Variants in PLCH2 observed in about 807,000 individuals in gnomAD.
PLCH2 encodes the protein 1-phosphatidylinositol 4,5-bisphosphate phosphodiesterase eta-2.
In PLCH2, 98 loss-of-function variants were observed where a neutral mutation model predicts 134.7. The observed-to-expected ratio is 0.73, with a 90% CI of 0.62 to 0.86. PLCH2 has a LOEUF of 0.86. PLCH2 is among the 40% of genes least tolerant of loss of function. The pLI is 0.00. For synonymous variants in PLCH2, 974 were observed against 827.5 expected (o/e 1.18, Z -3.04); for missense variants, 1,994 against 1,986.6 (o/e 1.00, Z -0.07).
chr1:2,432,792 C>T (rs1021741096), intron 2 of PLCH2, among the ~76,000 whole-genome samples: 1 of 152,202 alleles, frequency 6.6e-6, no homozygotes, highest in African/African-American at 2.4e-5. Flanking sequence ...CCGCCGCCCT[C>T]CCACAGCAGG....
chr1:2,446,587 A>G (rs574848280), intron 2 of PLCH2, among the ~76,000 whole-genome samples: 1 of 152,334 alleles, frequency 6.6e-6, no homozygotes, highest in Non-Finnish European at 1.5e-5. Context: ...AGAGGGAGGA[A>G]GGGCTCCTGG....
chr1:2,504,182 A>G lies in PLCH2; in HGVS notation c.3220A>G (p.Ser1074Gly), dbSNP rs1207811895. 3.2e-6 allele frequency: 5 copies of G among 1,541,704 alleles called. No homozygotes were observed. The highest frequency in any genetic ancestry group is 1.2e-5 in the South Asian group (1 of 83,950). The change falls in exon 22 of 22, where the codon AGC becomes GGC. Residue 1074 changes from serine to glycine, a missense_variant. Around this residue, in one of 2 missense-constraint regions of PLCH2, gnomAD observed 900 missense variants for 752.3 expected, o/e 1.20. Transcript: ENST00000378486. ...AGGAYERAPG[S>G]QTDGRSQPRT... ...CGGGGCATACGAGAGGGCCCCCGGCAGCCAGACGGACGGCAGGAGCCAGCC... is the reference window on the plus strand; with the variant it reads ...CGGGGCATACGAGAGGGCCCCCGGCGGCCAGACGGACGGCAGGAGCCAGCC...
chr1:2,501,752 G>T (rs1166223245), intron 20 of PLCH2: 6 of 244,408 alleles, frequency 2.5e-5, no homozygotes, highest in Non-Finnish European at 3.9e-5. Context: ...GGTGCAGGCT[G>T]TGGTGGGCCA....
intron 1 of PLCH2, 93 bp downstream of exon 1, chr1:2,476,805 G>C: frequency 7.5e-7 from 1 of 1,325,648 alleles, no homozygotes; most frequent in Admixed American, 2.7e-5. Context: ...GGGGAAGCCT[G>C]GGCCTCCATC....
intron 2 of PLCH2, 67 bp from the exon 3 acceptor site, chr1:2,479,667 T>C (rs1420773986): frequency 6.7e-7 from 1 of 1,483,672 alleles, no homozygotes; most frequent in African/African-American, 1.4e-5. Flanking sequence ...TCCGCAGTGT[T>C]GGGGCTGCCA....
chr1:2,462,717 G>A (rs1640883360), upstream of PLCH2, among the ~76,000 whole-genome samples: 1 of 152,106 alleles, frequency 6.6e-6, no homozygotes, highest in African/African-American at 2.4e-5. Context: ...GGGGCCCTGG[G>A]GGCTGAGGCA....
upstream of PLCH2, among the ~76,000 whole-genome samples, chr1:2,475,817 G>A (rs1268925081): frequency 2.0e-5 from 3 of 152,254 alleles, no homozygotes; most frequent in African/African-American, 7.2e-5. Context: ...GGGAGTTGTC[G>A]CTGTAAGGGA....
At position 2,498,371 on chromosome 1, in the gene PLCH2, C is replaced by T. The variant is rs1643010639; in HGVS notation, c.2225-152C>T. 1.3e-5 allele frequency: 10 copies of T among 773,076 alleles called. No individual in the cohort carries two copies. Among genetic ancestry groups the T allele is most frequent in the Admixed American group, 1.2e-4 (4 of 34,766 alleles). The allele number at this position is 773,076 out of a possible 1,614,324, so 47.9% of individuals were successfully genotyped here. A position where few individuals can be genotyped will look rare whatever the true frequency, so the allele number is the denominator to read the frequency against. ...ACTGGGCCAGGTGCACCCCGAGGTGCCCCCCTGGACCACTGCCTCCCTCCC... is the reference window on the plus strand; with the variant it reads ...ACTGGGCCAGGTGCACCCCGAGGTGTCCCCCTGGACCACTGCCTCCCTCCC... On this transcript the variant is annotated intron_variant, in intron 16 of 21. Coordinates refer to ENST00000378486, the MANE Select transcript of PLCH2 (RefSeq NM_014638.4). This position sits in a 1 kb window ranked among gnomAD's most constrained non-coding sequence, Gnocchi z 5.4.
the PLCH2 span, among the ~76,000 whole-genome samples, chr1:2,416,404 G>A: frequency 1.3e-5 from 2 of 152,372 alleles, no homozygotes; most frequent in South Asian, 2.1e-4. Context: ...TACAGGGACT[G>A]TAGGGTGCGG....
At chr1:2,436,412 CTCCACCT>C (rs1639387595) in intron 2 of PLCH2, among the ~76,000 whole-genome samples, 7 of 69,102 alleles carry the variant, frequency 1.0e-4, no homozygotes, top group East Asian at 4.6e-4. Context: ...TCCTTCCTCC[CTCCACCT>C]TTCCTCCTTT....
chr1:2,429,332 T>C (rs1638955226), intron 1 of PLCH2, among the ~76,000 whole-genome samples: 1 of 152,148 alleles, frequency 6.6e-6, no homozygotes, highest in Non-Finnish European at 1.5e-5. Context: ...CTGGGAAGAA[T>C]CCAGGCCTAA....
At chr1:2,451,489 G>A (rs1640223869) in intron 2 of PLCH2, among the ~76,000 whole-genome samples, 1 of 152,232 alleles carries the variant, frequency 6.6e-6, no homozygotes, top group East Asian at 1.9e-4. Flanking sequence ...TAGGGCTTCT[G>A]GAGGAAGCCC....
At chr1:2,466,279 G>A (rs967545065), upstream of PLCH2, among the ~76,000 whole-genome samples, 3 of 152,164 alleles carry the variant, frequency 2.0e-5, no homozygotes, top group Non-Finnish European at 4.4e-5. Flanking sequence ...TGGCTGTGCC[G>A]AATGGGTCGT....
At chr1:2,435,288 C>T (rs544615356) in intron 2 of PLCH2, among the ~76,000 whole-genome samples, 124 of 152,288 alleles carry the variant, frequency 8.1e-4, no homozygotes, top group Non-Finnish European at 3.5e-4. Context: ...GGGTGGGGCC[C>T]GGTTGCTGCC....
upstream of PLCH2, among the ~76,000 whole-genome samples, chr1:2,421,194 C>T (rs1453932757): frequency 6.6e-6 from 1 of 152,158 alleles, no homozygotes; most frequent in Non-Finnish European, 1.5e-5. Flanking sequence ...ATCCACCCTC[C>T]TTGGCCTCCC....
chr1:2,465,334 G>A (rs1641006280), upstream of PLCH2, among the ~76,000 whole-genome samples: 1 of 152,210 alleles, frequency 6.6e-6, no homozygotes, highest in Non-Finnish European at 1.5e-5. Flanking sequence ...AGGAGACACA[G>A]CTCTGGGCCT....
intron 4 of PLCH2, among the ~76,000 whole-genome samples, chr1:2,483,818 G>A (rs1220430932): frequency 7.1e-6 from 1 of 140,812 alleles, no homozygotes; most frequent in South Asian, 2.3e-4. Context: ...TGGGGGTGGC[G>A]CTGACCCCCG....
chr1:2,461,920 CT>C (rs1329549022), intron 2 of PLCH2, among the ~76,000 whole-genome samples: 2 of 152,076 alleles, frequency 1.3e-5, no homozygotes, highest in Admixed American at 1.3e-4. Flanking sequence ...CCGGGACCCC[CT>C]GTCCCATCAG....
chr1:2,504,546 C>T lies in PLCH2; in HGVS notation c.3584C>T (p.Pro1195Leu). 6.2e-7 allele frequency: 1 copy of T among 1,612,664 alleles called. No homozygotes were observed. The highest frequency in any genetic ancestry group is 8.5e-7 in the Non-Finnish European group (1 of 1,179,792). Reference protein sequence around the residue: ...HSASAARPDLPPVTKSKSNPN... With the variant: ...HSASAARPDLLPVTKSKSNPN... ...GCTTCGGCTGCCCGCCCAGACCTGCCACCTGTGACCAAGAGCAAATCCAAC... is the reference window on the plus strand; with the variant it reads ...GCTTCGGCTGCCCGCCCAGACCTGCTACCTGTGACCAAGAGCAAATCCAAC... The change falls in exon 22 of 22, where the codon CCA becomes CTA. Residue 1195 changes from proline (P) to leucine (L), a missense_variant. Physicochemically the swap from Pro to Leu is moderately conservative, Grantham distance 98 (BLOSUM62 -3). This residue lies in a region of PLCH2 where 900 missense variants were observed against 752.3 expected (regional missense o/e 1.20). Transcript: ENST00000378486.
Sources: allele counts gnomAD v4.1 joint callset (sites outside exome capture counted in the v4.1 genomes callset), GRCh38; gene constraint gnomAD v4.1.1; regional missense constraint gnomAD v4.1.1; non-coding constraint Gnocchi (gnomAD v3.1); transcripts MANE v1.5; gene names NCBI Gene and HGNC (gene_info 2026-07-23, HGNC 2026-07-21).